GALNT7: variants seen among roughly 807,000 people sequenced by gnomAD.
GALNT7 encodes the protein N-acetylgalactosaminyltransferase 7.
Under a neutral mutation model 82.1 loss-of-function variants are expected in GALNT7, and 60 were observed. That is an observed-to-expected ratio of 0.73 (90% CI 0.59 to 0.91). GALNT7 has a LOEUF of 0.91. GALNT7 is among the 40% of genes least tolerant of loss of function. The pLI is 0.00. For missense variants in GALNT7, 660 were observed against 804.2 expected (o/e 0.82, Z 2.17); for synonymous variants, 243 against 275.1 (o/e 0.88, Z 1.15).
At chr4:173,211,685 G>C (rs1207327717) in intron 1 of GALNT7, among the ~76,000 whole-genome samples, 1 of 152,176 alleles carries the variant, frequency 6.6e-6, no homozygotes, top group Non-Finnish European at 1.5e-5. Flanking sequence ...CACACACATT[G>C]TCTAAATAGT....
At chr4:173,249,312 C>T (rs1734768968) in intron 2 of GALNT7, among the ~76,000 whole-genome samples, 1 of 152,182 alleles carries the variant, frequency 6.6e-6, no homozygotes, top group South Asian at 2.1e-4. Flanking sequence ...TTCACATACA[C>T]GTATGCATGT....
Position 173,298,227 on chromosome 4 carries a change from A to G in GALNT7, c.1078A>G (p.Met360Val), listed in dbSNP as rs376561652. Residue 360 changes from methionine (M) to valine (V), a missense_variant, in exon 6 of 12, where the codon ATG becomes GTG. Coordinates refer to ENST00000265000, the MANE Select transcript of GALNT7 (RefSeq NM_017423.3). ...TGCCCGAGGAGCATGGGATTGGAGT[A>G]TGCTCTGGAAACGGGTGCCTCTGAC... Reference protein sequence around the residue: ...GYARGAWDWSMLWKRVPLTPQ... With the variant: ...GYARGAWDWSVLWKRVPLTPQ... The G allele has an allele frequency of 1.9e-6, 3 of 1,612,614 alleles. No homozygotes were observed. The highest frequency in any genetic ancestry group is 2.7e-5 in the African/African-American group (2 of 74,856).
intron 2 of GALNT7, among the ~76,000 whole-genome samples, chr4:173,261,646 A>C (rs978705553): frequency 6.6e-6 from 1 of 151,934 alleles, no homozygotes; most frequent in Non-Finnish European, 1.5e-5. Flanking sequence ...GTGAAACCTC[A>C]TCTCTACTAA....
chr4:173,289,786 G>C (rs1179593202), intron 2 of GALNT7, among the ~76,000 whole-genome samples: 1 of 152,128 alleles, frequency 6.6e-6, no homozygotes. Context: ...CTGCTTATCT[G>C]TGTGTAGGTG....
intron 1 of GALNT7, among the ~76,000 whole-genome samples, chr4:173,184,423 C>T (rs1437391444): frequency 6.6e-6 from 1 of 152,012 alleles, no homozygotes; most frequent in African/African-American, 2.4e-5. Flanking sequence ...ACGGCGAAAC[C>T]CCGTCTCCAC....
intron 2 of GALNT7, among the ~76,000 whole-genome samples, chr4:173,250,394 A>G: frequency 6.6e-6 from 1 of 152,172 alleles, no homozygotes; most frequent in East Asian, 1.9e-4. Flanking sequence ...ATGATGTACA[A>G]GGCTTAAAGC....
At chr4:173,247,253 C>A (rs1465058661) in intron 1 of GALNT7, among the ~76,000 whole-genome samples, 1 of 151,340 alleles carries the variant, frequency 6.6e-6, no homozygotes, top group African/African-American at 2.4e-5. Flanking sequence ...ATGAAGACGG[C>A]CCAAACAGAA....
At chr4:173,261,830 A>T (rs1036694864) in intron 2 of GALNT7, among the ~76,000 whole-genome samples, 3 of 152,154 alleles carry the variant, frequency 2.0e-5, no homozygotes, top group East Asian at 1.9e-4. Context: ...AAAAAAATTT[A>T]AAAAATAAAA....
chr4:173,271,004 C>T (rs974381787), intron 2 of GALNT7, among the ~76,000 whole-genome samples: 1 of 152,112 alleles, frequency 6.6e-6, no homozygotes, highest in Non-Finnish European at 1.5e-5. Context: ...ACAAAGTTCC[C>T]CTCAGTATAA....
chr4:173,264,744 C>G (rs1735417019), intron 2 of GALNT7, among the ~76,000 whole-genome samples: 1 of 152,140 alleles, frequency 6.6e-6, no homozygotes, highest in African/African-American at 2.4e-5. Flanking sequence ...CCTGGGTGTT[C>G]CACAATTGTT....
At chr4:173,235,918 T>A (rs1435145439) in intron 1 of GALNT7, among the ~76,000 whole-genome samples, 1 of 152,200 alleles carries the variant, frequency 6.6e-6, no homozygotes, top group Non-Finnish European at 1.5e-5. Flanking sequence ...TACAGCACCA[T>A]GTTTATATGA....
intron 4 of GALNT7, 41 bp downstream of exon 4, chr4:173,295,567 T>C: frequency 6.3e-7 from 1 of 1,589,448 alleles, no homozygotes. Flanking sequence ...CATTTTGGGT[T>C]TGGTAACTAA....
Position 173,193,465 on chromosome 4 carries a change from T to A in GALNT7, c.126+24504T>A, listed in dbSNP as rs1233370953. 3.3e-5 allele frequency among the ~76,000 whole-genome samples: 5 copies of A among 152,168 alleles called. No homozygotes were observed. In the East Asian group the frequency reaches 9.6e-4, roughly 29 times the overall value. ...GCCTAGCCCTTGTGTCTCATCTGTC[T>A]TTTCTCTCCCCTCACCCCAACTTTA... is the stretch of plus-strand genomic sequence containing the variant. On this transcript the variant is annotated intron_variant, in intron 1 of 11. Coordinates refer to ENST00000265000, the MANE Select transcript of GALNT7 (RefSeq NM_017423.3).
intron 1 of GALNT7, among the ~76,000 whole-genome samples, chr4:173,243,635 A>C (rs1392432388): frequency 6.6e-6 from 1 of 152,218 alleles, no homozygotes; most frequent in Non-Finnish European, 1.5e-5. Context: ...TGATGTGATT[A>C]TTCTTAGTTG....
At chr4:173,209,201 C>T (rs1226360922) in intron 1 of GALNT7, among the ~76,000 whole-genome samples, 2 of 152,148 alleles carry the variant, frequency 1.3e-5, no homozygotes, top group East Asian at 3.9e-4. Flanking sequence ...AGGTCTTCAC[C>T]ACCATCCCCC....
rs1188458292 is a variant in GALNT7, at chr4:173,288,306, GA to G, written c.588-3798del. On this transcript the variant is annotated intron_variant, in intron 2 of 11. Coordinates refer to ENST00000265000, the MANE Select transcript of GALNT7 (RefSeq NM_017423.3). Reference sequence around the variant, plus strand: ...TCAAAAAAAAAAAAAAAAAAAAAAAGAAAAGAACATATGAATTGAATGGCTG... The same window carrying G: ...TCAAAAAAAAAAAAAAAAAAAAAAAGAAAGAACATATGAATTGAATGGCTG... 3.8e-5 allele frequency among the ~76,000 whole-genome samples: 4 copies of G among 104,854 alleles called. No individual in the cohort carries two copies. In the East Asian group the frequency reaches 1.2e-3, roughly 30 times the overall value. 68.8% of individuals were successfully genotyped at this position (104,854 alleles called of 152,430 possible). A position where few individuals can be genotyped will look rare whatever the true frequency, so the allele number is the denominator to read the frequency against.
In GALNT7 at chr4:173,174,617, C is replaced by T. The variant is rs543220767; in HGVS notation, c.126+5656C>T. On this transcript the variant is annotated intron_variant, in intron 1 of 11. Coordinates refer to ENST00000265000, the MANE Select transcript of GALNT7 (RefSeq NM_017423.3). ...TGTTACCACCTGCTTGCCCCTCCCC[C>T]ATCCCCATCCTCCCCTCCCTAAGAC... 8.5e-5 allele frequency among the ~76,000 whole-genome samples: 13 copies of T among 152,250 alleles called. No individual in the cohort carries two copies. In the East Asian group the frequency reaches 2.1e-3, roughly 25 times the overall value.
At chr4:173,193,641 A>C (rs1045781924) in intron 1 of GALNT7, among the ~76,000 whole-genome samples, 2 of 152,148 alleles carry the variant, frequency 1.3e-5, no homozygotes, top group African/African-American at 4.8e-5. Context: ...TATAGTATGA[A>C]ATTTGAAGAA....
chr4:173,304,791 G>A (rs932413591), intron 8 of GALNT7, among the ~76,000 whole-genome samples: 5 of 151,680 alleles, frequency 3.3e-5, no homozygotes, highest in African/African-American at 4.8e-5. Flanking sequence ...TTGTCTTTCT[G>A]TGCCTGGCTT....
Sources: gnomAD v4.1 joint callset for allele counts (sites outside exome capture counted in the v4.1 genomes callset) on GRCh38, gnomAD v4.1.1 for gene constraint, MANE v1.5 for transcripts, NCBI Gene and HGNC (gene_info 2026-07-23, HGNC 2026-07-21) for gene names.